Variants in ABCC1 observed in about 807,000 individuals in gnomAD.
The protein encoded by ABCC1 is multidrug resistance-associated protein 1.
A neutral mutation model predicts 172.9 loss-of-function variants in ABCC1; 83 were observed. The ratio of observed to expected loss-of-function variants is 0.48; its 90% CI spans 0.40 to 0.58. ABCC1 has a LOEUF of 0.58. Ranked by LOEUF, ABCC1 falls within the 20% of genes least tolerant of loss-of-function variation. The pLI, the probability that ABCC1 is intolerant of heterozygous loss-of-function variation, is 0.00. For synonymous variants in ABCC1, 937 were observed against 825.2 expected (o/e 1.14, Z -2.32); for missense variants, 1,817 against 2,002.7 (o/e 0.91, Z 1.77).
At chr16:16,015,181 C>T (rs2047950354) in intron 4 of ABCC1, among the ~76,000 whole-genome samples, 1 of 147,764 alleles carries the variant, frequency 6.8e-6, no homozygotes, top group Admixed American at 6.8e-5. Context: ...CGCTCTGTCA[C>T]CAGGCTGGAG....
At chr16:16,113,631 G>A (rs941318991) in intron 22 of ABCC1, among the ~76,000 whole-genome samples, 16 of 152,012 alleles carry the variant, frequency 1.1e-4, no homozygotes, top group Admixed American at 1.0e-3. Context: ...CTCCATCCTG[G>A]GTGACAGGAT....
At chr16:16,080,105 A>C (rs1159715399) in intron 16 of ABCC1, among the ~76,000 whole-genome samples, 2 of 151,972 alleles carry the variant, frequency 1.3e-5, no homozygotes, top group Non-Finnish European at 2.9e-5. Flanking sequence ...GAGCCACCGC[A>C]TTTGGCCACT....
chr16:16,084,246 G>T (rs1223026764), intron 17 of ABCC1, among the ~76,000 whole-genome samples: 1 of 152,136 alleles, frequency 6.6e-6, no homozygotes, highest in Non-Finnish European at 1.5e-5. Flanking sequence ...GGAATTACAG[G>T]TGCATATCAC....
chr16:16,088,052 A>G (rs572299328), intron 18 of ABCC1, among the ~76,000 whole-genome samples: 18 of 152,310 alleles, frequency 1.2e-4, no homozygotes, highest in African/African-American at 4.3e-4. Context: ...ATTACTAAGT[A>G]ATACATGCCC....
At chr16:16,071,981 T>C (rs1168441977) in intron 14 of ABCC1, among the ~76,000 whole-genome samples, 1 of 152,164 alleles carries the variant, frequency 6.6e-6, no homozygotes, top group Non-Finnish European at 1.5e-5. Context: ...GTTTTCTTGC[T>C]GAGGGTCAGC....
At chr16:16,083,595 C>A in intron 17 of ABCC1, 53 bp downstream of exon 17, 1 of 1,580,098 alleles carries the variant, frequency 6.3e-7, no homozygotes. Context: ...TGCCGCGTAA[C>A]AAATGCTCTC....
chr16:16,121,342 G>A lies in ABCC1; in HGVS notation c.3391-633G>A, dbSNP rs529524944. Among the ~76,000 whole-genome samples, 22 of 152,338 alleles carry A rather than the reference G, an allele frequency of 1.4e-4. No homozygotes were observed. The East Asian group carries it at 3.9e-3, about 27-fold the overall frequency. ...CAAGCATGAGCCACCCCACCTGGCCGAGCAAGCCTTGTTGTTCCCATTTTA... is the reference window on the plus strand; with the variant it reads ...CAAGCATGAGCCACCCCACCTGGCCAAGCAAGCCTTGTTGTTCCCATTTTA... On this transcript the variant is annotated intron_variant, in intron 23 of 30. Transcript: ENST00000399410.
chr16:16,027,483 A>G (rs2048415225), intron 5 of ABCC1, among the ~76,000 whole-genome samples: 1 of 152,162 alleles, frequency 6.6e-6, no homozygotes, highest in South Asian at 2.1e-4. Context: ...TTCCCCCCCA[A>G]ACACTTGAGC....
At chr16:16,023,152 C>T (rs2048251362) in intron 5 of ABCC1, among the ~76,000 whole-genome samples, 1 of 152,112 alleles carries the variant, frequency 6.6e-6, no homozygotes, top group African/African-American at 2.4e-5. Flanking sequence ...GGCCTCAAGC[C>T]ATCCTCCCAC....
intron 11 of ABCC1, among the ~76,000 whole-genome samples, chr16:16,053,437 G>A (rs975021890): frequency 5.9e-5 from 9 of 151,830 alleles, no homozygotes; most frequent in Non-Finnish European, 1.3e-4. Flanking sequence ...TTTATTTTTG[G>A]AGATATTTTG....
intron 20 of ABCC1, among the ~76,000 whole-genome samples, chr16:16,103,454 C>T (rs2051871459): frequency 6.6e-6 from 1 of 152,058 alleles, no homozygotes; most frequent in Admixed American, 6.6e-5. Flanking sequence ...GTGGCAGGCG[C>T]CTGTAGTCCC....
intron 1 of ABCC1, among the ~76,000 whole-genome samples, chr16:15,978,366 TCAAACAAA>T (rs111918364): frequency 4.5e-4 from 69 of 152,064 alleles, no homozygotes; most frequent in African/African-American, 9.2e-4. Flanking sequence ...AAACCCCATC[TCAAACAAA>T]CAAACAAACA....
At chr16:16,024,492 T>C (rs936369575) in intron 5 of ABCC1, among the ~76,000 whole-genome samples, 2 of 152,042 alleles carry the variant, frequency 1.3e-5, no homozygotes, top group Non-Finnish European at 2.9e-5. Context: ...GCTGGGACCA[T>C]AGTTGCGTGC....
chr16:15,967,320 A>G (rs1412771101), intron 1 of ABCC1, among the ~76,000 whole-genome samples: 2 of 152,058 alleles, frequency 1.3e-5, no homozygotes, highest in African/African-American at 4.8e-5. Flanking sequence ...CCCTGTTGTT[A>G]TAGAGCATCT....
chr16:16,123,680 T>A lies in ABCC1; in HGVS notation c.3591-1109T>A, dbSNP rs147163451. Among the ~76,000 whole-genome samples, 708 of 151,752 alleles carry A rather than the reference T, an allele frequency of 4.7e-3. 7 individuals are homozygous for A. Among genetic ancestry groups the A allele is most frequent in the African/African-American group, 0.016 (661 of 41,376 alleles). On this transcript the variant is annotated intron_variant, in intron 24 of 30. Transcript: ENST00000399410. ...TAAAATAAAAAGTAAAATAAAATAGTTCTGATGGTACATGATACCATACTA... is the reference window on the plus strand; with the variant it reads ...TAAAATAAAAAGTAAAATAAAATAGATCTGATGGTACATGATACCATACTA...
At chr16:15,989,948 C>G (rs2046820963) in intron 1 of ABCC1, among the ~76,000 whole-genome samples, 1 of 152,142 alleles carries the variant, frequency 6.6e-6, no homozygotes. Context: ...ATAATCACGT[C>G]TCACTGCAGC....
intron 1 of ABCC1, among the ~76,000 whole-genome samples, chr16:16,001,108 A>G (rs2047291244): frequency 6.6e-6 from 1 of 152,220 alleles, no homozygotes; most frequent in Non-Finnish European, 1.5e-5. Flanking sequence ...ATGCCTGAGT[A>G]AGGCACATTT....
chr16:16,107,634 AG>A (rs1165708386), intron 21 of ABCC1, among the ~76,000 whole-genome samples: 2 of 152,124 alleles, frequency 1.3e-5, no homozygotes, highest in Non-Finnish European at 2.9e-5. Context: ...TCCCTGAGAA[AG>A]TCCCAGTTGG....
intron 4 of ABCC1, among the ~76,000 whole-genome samples, chr16:16,015,149 T>TTTTTTTTTTTTG (rs2047948359): frequency 6.6e-6 from 1 of 150,514 alleles, no homozygotes; most frequent in Non-Finnish European, 1.5e-5. Context: ...TTTTTTTTTT[T>TTTTTTTTTTTTG]GCTGTTGTTG....
Sources: gnomAD v4.1 joint callset for allele counts (sites outside exome capture counted in the v4.1 genomes callset) on GRCh38, gnomAD v4.1.1 for gene constraint, MANE v1.5 for transcripts, NCBI Gene and HGNC (gene_info 2026-07-23, HGNC 2026-07-21) for gene names.